NRXN1: variants seen among roughly 807,000 people sequenced by gnomAD.
NRXN1 encodes neurexin-1.
NRXN1 carries 39 observed loss-of-function variants against 150.9 expected under a neutral mutation model. The ratio of observed to expected loss-of-function variants is 0.26; its 90% CI spans 0.20 to 0.34. The LOEUF is 0.34. Ranked by LOEUF, NRXN1 falls within the 10% of genes least tolerant of loss-of-function variation. The pLI, the probability that NRXN1 is intolerant of heterozygous loss-of-function variation, is 1.00. For synonymous variants in NRXN1, 924 were observed against 757.0 expected (o/e 1.22, Z -3.62); for missense variants, 1,815 against 1,949.9 (o/e 0.93, Z 1.30).
chr2:49,960,921 T>C (rs1055076031), intron 21 of NRXN1, among the ~76,000 whole-genome samples: 2 of 152,154 alleles, frequency 1.3e-5, no homozygotes, highest in Non-Finnish European at 2.9e-5. Context: ...TATAATTGGG[T>C]AAGTTTTAAA....
intron 17 of NRXN1, among the ~76,000 whole-genome samples, chr2:50,360,869 C>T (rs2079141431): frequency 6.6e-6 from 1 of 152,246 alleles, no homozygotes; most frequent in African/African-American, 2.4e-5. Flanking sequence ...GGAAGTAAAA[C>T]ACTCCTCGGC....
chr2:50,246,854 T>C (rs2066549032), intron 17 of NRXN1, among the ~76,000 whole-genome samples: 1 of 152,116 alleles, frequency 6.6e-6, no homozygotes, highest in Non-Finnish European at 1.5e-5. Context: ...TTGTCTTTTA[T>C]TGAAATATCC....
rs1308949540 is a variant in NRXN1 at position 49,920,833 on chromosome 2, C to A, written c.*1111G>T. 6.6e-6 allele frequency: 1 copy of A among 152,178 alleles called. No individual in the cohort carries two copies. The highest frequency in any genetic ancestry group is 1.5e-5 in the Non-Finnish European group (1 of 67,950). The allele number at this position is 152,178 out of a possible 1,614,324, so 9.4% of individuals were successfully genotyped here. A position where few individuals can be genotyped will look rare whatever the true frequency, so the allele number is the denominator to read the frequency against. On this transcript the variant is annotated 3_prime_UTR_variant, in exon 23 of 23. Coordinates refer to ENST00000401669, the MANE Select transcript of NRXN1 (RefSeq NM_001330078.2). ...TATATATGTGACTTTCTAATTCACA[C>A]CTTTCATACAAGTACTAAAACTTAA...
chr2:50,411,183 C>T (rs952040980), intron 17 of NRXN1, among the ~76,000 whole-genome samples: 2 of 152,058 alleles, frequency 1.3e-5, no homozygotes, highest in African/African-American at 4.8e-5. Context: ...CGCGCCTCCA[C>T]GCCTGACTGG....
chr2:50,808,985 G>A, intron 5 of NRXN1, among the ~76,000 whole-genome samples: 1 of 152,018 alleles, frequency 6.6e-6, no homozygotes, highest in East Asian at 1.9e-4. Context: ...CTTTCTAACA[G>A]ACTGCTTGGG....
chr2:50,359,704 A>G (rs1419659658), intron 17 of NRXN1, among the ~76,000 whole-genome samples: 1 of 152,134 alleles, frequency 6.6e-6, no homozygotes, highest in African/African-American at 2.4e-5. Flanking sequence ...ATCCAGGAGA[A>G]CTTGCCCAAC....
At chr2:50,312,652 G>C (rs889804813) in intron 17 of NRXN1, 7 of 475,156 alleles carry the variant, frequency 1.5e-5, no homozygotes, top group African/African-American at 1.4e-4. Context: ...TTTGGAAGTA[G>C]GGGATCTCAG....
chr2:50,963,449 G>C lies in NRXN1; in HGVS notation c.773-37494C>G, dbSNP rs188408203. Among the ~76,000 whole-genome samples the C allele has an allele frequency of 1.7e-3, 263 of 151,614 alleles. 3 individuals are homozygous for C. Among genetic ancestry groups the C allele is most frequent in the African/African-American group, 6.0e-3 (247 of 41,490 alleles). On this transcript the variant is annotated intron_variant, in intron 2 of 22. Transcript: ENST00000401669. ...AACTATATGTAGCAGTTTCTTTAAT[G>C]TATCTTTGTATATGCCAAAGTACTT...
chr2:50,144,584 A>G (rs1416719807), intron 18 of NRXN1, among the ~76,000 whole-genome samples: 1 of 151,932 alleles, frequency 6.6e-6, no homozygotes. Context: ...ATAAAGAAGA[A>G]GCCAATTTCA....
intron 18 of NRXN1, among the ~76,000 whole-genome samples, chr2:50,191,318 G>C (rs1476836754): frequency 6.6e-6 from 1 of 151,900 alleles, no homozygotes; most frequent in Non-Finnish European, 1.5e-5. Flanking sequence ...GGGAACACAG[G>C]TGTGAGCCAC....
chr2:50,936,571 A>G (rs1688573166), intron 2 of NRXN1, among the ~76,000 whole-genome samples: 1 of 152,164 alleles, frequency 6.6e-6, no homozygotes, highest in Non-Finnish European at 1.5e-5. Context: ...GACAATGTAT[A>G]TCTTGCAGCT....
At position 50,943,972 on chromosome 2, in the gene NRXN1, T is replaced by C. The variant is rs894085038; in HGVS notation, c.773-18017A>G. On this transcript the variant is annotated intron_variant, in intron 2 of 22. Coordinates refer to ENST00000401669, the MANE Select transcript of NRXN1 (RefSeq NM_001330078.2). The stretch of plus-strand genomic sequence containing the variant: ...GATTTCTGACAAATGATGGAAGGAA[T>C]TGGAATGGAGAAACGAAAAACCATC... Among the ~76,000 whole-genome samples the C allele has an allele frequency of 1.2e-4, 19 of 152,090 alleles. 1 individual carries two copies. Among genetic ancestry groups the C allele is most frequent in the African/African-American group, 4.1e-4 (17 of 41,414 alleles).
intron 15 of NRXN1, among the ~76,000 whole-genome samples, chr2:50,484,611 A>G (rs909991004): frequency 5.9e-5 from 9 of 152,216 alleles, no homozygotes; most frequent in African/African-American, 2.2e-4. Context: ...TCCAGAGCCT[A>G]TTCTACATAC....
At chr2:50,485,913 C>G in intron 15 of NRXN1, among the ~76,000 whole-genome samples, 1 of 152,208 alleles carries the variant, frequency 6.6e-6, no homozygotes, top group African/African-American at 2.4e-5. Context: ...CGAACTTGCC[C>G]TTTGCCCTAC....
intron 21 of NRXN1, among the ~76,000 whole-genome samples, chr2:49,958,769 C>T (rs62132442): frequency 0.018 from 2,752 of 152,214 alleles, 35 homozygotes; most frequent in Middle Eastern, 0.027. Context: ...CCAAGTTGCT[C>T]GTTTACTTTT....
intron 22 of NRXN1, among the ~76,000 whole-genome samples, chr2:49,923,713 C>T (rs1668608449): frequency 6.6e-6 from 1 of 151,978 alleles, no homozygotes; most frequent in Admixed American, 6.6e-5. Context: ...ATTTCTTTTG[C>T]CTAAACGTGT....
intron 2 of NRXN1, among the ~76,000 whole-genome samples, chr2:51,015,361 GACACTCAGA>G (rs1668498901): frequency 6.6e-6 from 1 of 152,074 alleles, no homozygotes; most frequent in Non-Finnish European, 1.5e-5. Flanking sequence ...ATGGGCAGAA[GACACTCAGA>G]ATTGTGTATT....
intron 17 of NRXN1, among the ~76,000 whole-genome samples, chr2:50,450,011 T>G (rs887052989): frequency 3.3e-5 from 5 of 152,216 alleles, no homozygotes; most frequent in Non-Finnish European, 7.4e-5. Flanking sequence ...TGGATCTATT[T>G]GTCTCCAAAG....
intron 5 of NRXN1, among the ~76,000 whole-genome samples, chr2:50,905,769 C>T (rs1043769791): frequency 1.3e-5 from 2 of 152,042 alleles, no homozygotes; most frequent in Non-Finnish European, 1.5e-5. Context: ...TATTTATAAA[C>T]ATGACATATG....
Sources: allele counts gnomAD v4.1 joint callset (sites outside exome capture counted in the v4.1 genomes callset), GRCh38; gene constraint gnomAD v4.1.1; transcripts MANE v1.5; gene names NCBI Gene and HGNC (gene_info 2026-07-23, HGNC 2026-07-21).